ATP2C2: variants seen among roughly 807,000 people sequenced by gnomAD.
ATP2C2 encodes calcium-transporting ATPase type 2C member 2.
Under a neutral mutation model 110.8 loss-of-function variants are expected in ATP2C2, and 171 were observed. The ratio of observed to expected loss-of-function variants is 1.54; its 90% CI spans 1.36 to 1.75. The LOEUF (loss-of-function observed/expected upper bound fraction) is 1.75. ATP2C2 is among the 40% of genes most tolerant of loss of function. The pLI, the probability that ATP2C2 is intolerant of heterozygous loss-of-function variation, is 0.00. For synonymous variants in ATP2C2, 804 were observed against 508.4 expected, an observed-to-expected ratio of 1.58 and a Z score of -7.82; for missense variants, 1,963 against 1,235.0, an observed-to-expected ratio of 1.59 and a Z score of -8.84.
At chr16:84,368,855 C>A in intron 1 of ATP2C2, 141 bp downstream of exon 1, 1 of 733,134 alleles carries the variant, frequency 1.4e-6, no homozygotes, top group Non-Finnish European at 2.2e-6. Context: ...AGAAGCTGTC[C>A]TCACAGCAAC....
intron 3 of ATP2C2, chr16:84,406,767 G>A (rs1025024520): frequency 1.2e-5 from 6 of 488,150 alleles, no homozygotes; most frequent in Non-Finnish European, 1.6e-5. Context: ...GGGCTGTGAG[G>A]GAGGAGCTCC....
At chr16:84,456,577 G>C (rs1478081913) in intron 21 of ATP2C2, among the ~76,000 whole-genome samples, 1 of 118,784 alleles carries the variant, frequency 8.4e-6, no homozygotes, top group Non-Finnish European at 1.7e-5. Context: ...CGACATGATT[G>C]TTTATCTAGA....
intron 2 of ATP2C2, among the ~76,000 whole-genome samples, chr16:84,403,848 G>A (rs776175105): frequency 6.6e-5 from 10 of 152,056 alleles, no homozygotes; most frequent in Non-Finnish European, 5.9e-5. Flanking sequence ...ATGCCACCAC[G>A]CCCGGCTAAT....
rs1910329144 is a variant in ATP2C2, at chr16:84,452,056, T to C, written c.1796T>C (p.Ile599Thr). 2 of 1,613,304 alleles carry C rather than the reference T, an allele frequency of 1.2e-6. No individual in the cohort carries two copies. Among genetic ancestry groups the C allele is most frequent in the Non-Finnish European group, 1.7e-6 (2 of 1,179,916 alleles). ...LSESGVSVKMITGDALETALA... is the reference protein window; with the variant it reads ...LSESGVSVKMTTGDALETALA... The stretch of plus-strand genomic sequence containing the variant: ...GAGTCTGGTGTGTCTGTGAAGATGA[T>C]AACGGGGGATGCCCTGGAGACGGCC... The change falls in exon 18 of 27, where the codon ATA becomes ACA. Residue 599 changes from isoleucine to threonine, a missense_variant. By Grantham distance (89) the Ile-to-Thr change is moderately conservative. Transcript: ENST00000262429.
intron 17 of ATP2C2, among the ~76,000 whole-genome samples, chr16:84,451,196 C>A (rs933963397): frequency 1.2e-4 from 18 of 152,164 alleles, no homozygotes; most frequent in Admixed American, 1.0e-3. Context: ...TAAGGGGAAA[C>A]CCCTCATAAA....
rs745451312 is a variant in ATP2C2, at chr16:84,462,045, C to A, written c.2638C>A (p.Leu880Met). The change falls in exon 26 of 27, where the codon CTG becomes ATG. Residue 880 changes from leucine (L) to methionine (M), a missense_variant. Coordinates refer to ENST00000262429, the MANE Select transcript of ATP2C2 (RefSeq NM_014861.4). ...LRNHMFLYSVLGSILGQLAVI... is the reference protein window; with the variant it reads ...LRNHMFLYSVMGSILGQLAVI... ...GAACCACATGTTCCTCTACTCCGTC[C>A]TGGGGTCCATCCTGGGGCAGCTGGC... 1.1e-5 allele frequency: 17 copies of A among 1,614,012 alleles called. No homozygotes were observed. The highest frequency in any genetic ancestry group is 1.4e-5 in the Non-Finnish European group (16 of 1,180,000).
At chr16:84,433,366 C>A (rs1908449153) in intron 11 of ATP2C2, among the ~76,000 whole-genome samples, 1 of 151,514 alleles carries the variant, frequency 6.6e-6, no homozygotes. Flanking sequence ...CTGGGCAACA[C>A]AGCAAGACCC....
At chr16:84,444,438 A>G (rs1334322479) in intron 15 of ATP2C2, among the ~76,000 whole-genome samples, 1 of 152,142 alleles carries the variant, frequency 6.6e-6, no homozygotes, top group Non-Finnish European at 1.5e-5. Flanking sequence ...GTACCATTGC[A>G]CTCCAGCCTG....
intron 1 of ATP2C2, among the ~76,000 whole-genome samples, chr16:84,396,476 G>C (rs975138219): frequency 3.3e-5 from 5 of 150,960 alleles, no homozygotes; most frequent in Admixed American, 6.6e-5. Context: ...CTTGAACCCG[G>C]GAGGAGGAGG....
intron 3 of ATP2C2, among the ~76,000 whole-genome samples, chr16:84,406,372 A>T (rs1199600800): frequency 1.3e-5 from 2 of 152,226 alleles, no homozygotes; most frequent in Admixed American, 1.3e-4. Context: ...AGATGGCCTT[A>T]GATCCCCTTT....
chr16:84,385,128 C>T (rs536829018), intron 1 of ATP2C2, among the ~76,000 whole-genome samples: 108 of 152,270 alleles, frequency 7.1e-4, no homozygotes, highest in African/African-American at 2.4e-3. Context: ...GCTCACGGTT[C>T]TGCAGGCTGT....
intron 4 of ATP2C2, 59 bp downstream of exon 4, chr16:84,408,553 T>G (rs1905989552): frequency 1.5e-6 from 2 of 1,350,322 alleles, no homozygotes; most frequent in Non-Finnish European, 2.1e-6. Context: ...GCTGAGTCTC[T>G]GCTTGTTATT....
intron 11 of ATP2C2, among the ~76,000 whole-genome samples, chr16:84,435,926 C>A (rs1330620337): frequency 6.6e-6 from 1 of 152,176 alleles, no homozygotes; most frequent in African/African-American, 2.4e-5. Context: ...GCCAGGAGTT[C>A]AAGACCAGCC....
In ATP2C2 at chr16:84,448,536, C is replaced by T. The variant is rs758765955; in HGVS notation, c.1507C>T (p.Gln503Ter). The T allele has an allele frequency of 3.1e-6, 5 of 1,609,332 alleles. No homozygotes were observed. In the South Asian group the frequency reaches 4.4e-5, roughly 14 times the overall value. ...AVKCSLKTED[Q>*]EDIYFMKGAL... ...TCTTCCCTTTGTCTTTTCTAAGGATCAGGAAGACATTTACTTCATGAAAGG... is the reference window on the plus strand; with the variant it reads ...TCTTCCCTTTGTCTTTTCTAAGGATTAGGAAGACATTTACTTCATGAAAGG... The change falls in exon 17 of 27, where the codon CAG becomes TAG. Residue 503 changes from glutamine to a stop codon, truncating the protein, a stop_gained. Transcript: ENST00000262429. LOFTEE classifies it high-confidence loss of function.
Position 84,425,759 on chromosome 16 carries a change from C to G in ATP2C2, c.944C>G (p.Ser315Trp), listed in dbSNP as rs762963510. ...GGTCTCATCATGCTCATTGGCTGGT[C>G]GCAAGGGAAACAACTCCTGAGTATG... ...IIGLIMLIGW[S>W]QGKQLLSMFT... Residue 315 changes from serine (S) to tryptophan (W), a missense_variant, in exon 11 of 27, where the codon TCG becomes TGG. Physicochemically the swap from Ser to Trp is radical, Grantham distance 177 (BLOSUM62 -3). Coordinates refer to ENST00000262429, the MANE Select transcript of ATP2C2 (RefSeq NM_014861.4). The G allele has an allele frequency of 7.4e-6, 12 of 1,613,922 alleles. No individual in the cohort carries two copies. In the South Asian group the frequency reaches 8.8e-5, roughly 12 times the overall value.
At chr16:84,436,459 G>C (rs1367146165) in intron 11 of ATP2C2, among the ~76,000 whole-genome samples, 1 of 152,182 alleles carries the variant, frequency 6.6e-6, no homozygotes, top group African/African-American at 2.4e-5. Context: ...GGCTTCTGCA[G>C]GGTCCCTGGC....
At position 84,420,149 on chromosome 16, in the gene ATP2C2, C is replaced by T. The variant is rs567352606; in HGVS notation, c.625-2241C>T. 3.3e-5 allele frequency among the ~76,000 whole-genome samples: 5 copies of T among 152,296 alleles called. No individual in the cohort carries two copies. The East Asian group carries it at 7.7e-4, about 24-fold the overall frequency. On this transcript the variant is annotated intron_variant, in intron 7 of 26. Transcript: ENST00000262429. ...TCCTCCCAGGCCTTTCCCCAGCCAC[C>T]TCTTCTCAGGGGCCTCCCTCCCTGC...
chr16:84,400,976 T>A (rs1285911414), intron 2 of ATP2C2, among the ~76,000 whole-genome samples: 1 of 152,216 alleles, frequency 6.6e-6, no homozygotes, highest in African/African-American at 2.4e-5. Flanking sequence ...TAATCCCGTG[T>A]CAGATGGGTA....
chr16:84,369,973 C>A (rs1364913933), intron 1 of ATP2C2, among the ~76,000 whole-genome samples: 2 of 152,206 alleles, frequency 1.3e-5, no homozygotes, highest in African/African-American at 2.4e-5. Context: ...ATACATTCTG[C>A]TAAAGGAGTT....
Sources: allele counts gnomAD v4.1 joint callset (sites outside exome capture counted in the v4.1 genomes callset), GRCh38; gene constraint gnomAD v4.1.1; transcripts MANE v1.5; gene names NCBI Gene and HGNC (gene_info 2026-07-23, HGNC 2026-07-21).